MAP2K2: variants seen among roughly 807,000 people sequenced by gnomAD.
MAP2K2 encodes the protein mitogen-activated protein kinase kinase 2.
Under a neutral mutation model 43.7 loss-of-function variants are expected in MAP2K2, and 24 were observed. The observed-to-expected ratio is 0.55, with a 90% confidence interval of 0.40 to 0.77. MAP2K2 has a LOEUF of 0.77. Among genes scored for constraint, MAP2K2 ranks in the 30% least tolerant of loss-of-function variants. MAP2K2 has a pLI of 0.00. For missense variants in MAP2K2, 470 were observed against 566.8 expected (o/e 0.83, Z 1.73); for synonymous variants, 244 against 239.7 (o/e 1.02, Z -0.17).
intron 1 of MAP2K2, among the ~76,000 whole-genome samples, chr19:4,118,007 G>C (rs113290434): frequency 6.6e-6 from 1 of 151,846 alleles, no homozygotes. Context: ...GCGCGATCTC[G>C]GCTCCCTGCA....
chr19:4,101,917 A>T lies in MAP2K2; in HGVS notation c.528+459T>A, dbSNP rs2041017374. Among the ~76,000 whole-genome samples the T allele has an allele frequency of 6.6e-6, 1 of 152,186 alleles. No homozygotes were observed. Among genetic ancestry groups the T allele is most frequent in the East Asian group, 1.9e-4 (1 of 5,178 alleles). On this transcript the variant is annotated intron_variant, in intron 4 of 10. Coordinates refer to ENST00000262948, the MANE Select transcript of MAP2K2 (RefSeq NM_030662.4). The surrounding 1 kb of genome is among the most constrained non-coding windows in gnomAD (Gnocchi z 6.3). ...GCAACACGCACGGTCTGCTGAAACCACACGGCTCTACGGAGCAGCTGTGCT... is the reference window on the plus strand; with the variant it reads ...GCAACACGCACGGTCTGCTGAAACCTCACGGCTCTACGGAGCAGCTGTGCT...
At chr19:4,108,510 A>T (rs551948904) in intron 3 of MAP2K2, among the ~76,000 whole-genome samples, 1 of 151,562 alleles carries the variant, frequency 6.6e-6, no homozygotes, top group Non-Finnish European at 1.5e-5. Context: ...GGCCTCCCAA[A>T]GTGCTGGGAT....
At chr19:4,111,069 G>C (rs1334733546) in intron 2 of MAP2K2, among the ~76,000 whole-genome samples, 1 of 152,166 alleles carries the variant, frequency 6.6e-6, no homozygotes, top group African/African-American at 2.4e-5. Flanking sequence ...TCCCATTTCT[G>C]TGAAATGTCC....
At chr19:4,108,243 T>C (rs2041111717) in intron 3 of MAP2K2, among the ~76,000 whole-genome samples, 1 of 151,556 alleles carries the variant, frequency 6.6e-6, no homozygotes, top group Admixed American at 6.6e-5. Context: ...GTTGTTTTTG[T>C]TTGTTTGTTT....
At chr19:4,112,103 T>A (rs2041162185) in intron 2 of MAP2K2, among the ~76,000 whole-genome samples, 1 of 152,108 alleles carries the variant, frequency 6.6e-6, no homozygotes, top group Admixed American at 6.5e-5. Context: ...CCCTGGAGAA[T>A]CACAGCATCC....
At chr19:4,099,562 C>T (rs917948981) in intron 6 of MAP2K2, 148 bp from the exon 7 acceptor site, 9 of 688,534 alleles carry the variant, frequency 1.3e-5, no homozygotes, top group East Asian at 8.2e-5. Flanking sequence ...TTCTACCTCC[C>T]GGCTCACCCA....
chr19:4,097,493 G>C (rs2040936562), intron 7 of MAP2K2, 150 bp from the exon 8 acceptor site: 3 of 667,906 alleles, frequency 4.5e-6, no homozygotes, highest in Non-Finnish European at 8.2e-6. Context: ...ACTGGACAAA[G>C]CTCCCCTGCC....
intron 9 of MAP2K2, chr19:4,094,720 G>A: frequency 1.7e-6 from 1 of 577,046 alleles, no homozygotes; most frequent in East Asian, 2.9e-5. Flanking sequence ...CCCCCCAGCG[G>A]GAGGGTGAGA....
rs951303635 is a variant in MAP2K2 at position 4,115,687 on chromosome 19, C to T, written c.303+1732G>A. On this transcript the variant is annotated intron_variant, in intron 2 of 10. Transcript: ENST00000262948. The surrounding 1 kb of genome is among the most constrained non-coding windows in gnomAD (Gnocchi z 4.1). The stretch of plus-strand genomic sequence containing the variant: ...ACAGAGCTGCAGAGCTAAATCCCCG[C>T]AGGAGTTGAGCCGCTGCTCCCGAGG... Among the ~76,000 whole-genome samples, 1 of 152,182 alleles carries T rather than the reference C, an allele frequency of 6.6e-6. No homozygotes were observed. The highest frequency in any genetic ancestry group is 1.5e-5 in the Non-Finnish European group (1 of 68,046).
rs1384070333 is a variant in MAP2K2 at position 4,117,639 on chromosome 19, C to A, written c.93-10G>T. ...GTCCACCAGGTTTGCCCTGCAGAGA[C>A]CCCCCAGGGTAGGGGTTAGCTACCT... On this transcript the variant is annotated splice_polypyrimidine_tract_variant and intron_variant, in intron 1 of 10. Coordinates refer to ENST00000262948, the MANE Select transcript of MAP2K2 (RefSeq NM_030662.4). 5 of 1,612,526 alleles carry A rather than the reference C, an allele frequency of 3.1e-6. No homozygotes were observed. The highest frequency in any genetic ancestry group is 1.3e-5 in the African/African-American group (1 of 74,894).
At chr19:4,110,420 G>A (rs2145069116) in intron 3 of MAP2K2, 89 bp downstream of exon 3, 6 of 1,542,186 alleles carry the variant, frequency 3.9e-6, no homozygotes, top group Non-Finnish European at 5.3e-6. Flanking sequence ...TTGCCTCTGA[G>A]GAAAGGGGCC....
Position 4,090,461 on chromosome 19 carries a change from C to T in MAP2K2, c.*137G>A, listed in dbSNP as rs946221599. 5.3e-5 allele frequency: 41 copies of T among 770,418 alleles called. 1 individual carries two copies. The highest frequency in any genetic ancestry group is 1.6e-4 in the Admixed American group (8 of 49,102). 47.7% of individuals were successfully genotyped at this position (770,418 alleles called of 1,614,324 possible). A position where few individuals can be genotyped will look rare whatever the true frequency, so the allele number is the denominator to read the frequency against. On this transcript the variant is annotated 3_prime_UTR_variant, in exon 11 of 11. Transcript: ENST00000262948. ...AGACCCCCGTTCCTGCATGCGCTGT[C>T]GCCCCGCCACGGTGCTCTCCGCAGG... is the stretch of plus-strand genomic sequence containing the variant.
intron 2 of MAP2K2, among the ~76,000 whole-genome samples, chr19:4,116,861 G>A (rs961387977): frequency 6.6e-6 from 1 of 151,188 alleles, no homozygotes; most frequent in African/African-American, 2.4e-5. Context: ...CCCAGGAGGC[G>A]GAGGTTGAAG....
At chr19:4,114,691 G>A (rs550761855) in intron 2 of MAP2K2, among the ~76,000 whole-genome samples, 1 of 152,282 alleles carries the variant, frequency 6.6e-6, no homozygotes, top group Admixed American at 6.5e-5. Flanking sequence ...GCTCACGCCT[G>A]TAATCCCAGC....
chr19:4,114,219 C>T (rs2041191795), intron 2 of MAP2K2, among the ~76,000 whole-genome samples: 4 of 152,194 alleles, frequency 2.6e-5, no homozygotes, highest in Admixed American at 2.6e-4. Context: ...GGCAGCTGCT[C>T]CCAAGTCCGA....
At position 4,095,201 on chromosome 19, in the gene MAP2K2, T is replaced by G. The variant is rs569793503; in HGVS notation, c.1046+187A>C. ...CCCTGGGCTCACGGACAGGATGGCA[T>G]GGCAGCCGGGAGCTGCAGCCCCACA... On this transcript the variant is annotated intron_variant, in intron 9 of 10. Coordinates refer to ENST00000262948, the MANE Select transcript of MAP2K2 (RefSeq NM_030662.4). The G allele has an allele frequency of 6.8e-6, 4 of 592,418 alleles. No homozygotes were observed. The African/African-American group carries it at 7.4e-5, about 11-fold the overall frequency. The allele number at this position is 592,418 out of a possible 1,614,324, so 36.7% of individuals were successfully genotyped here.
rs865846715 is a variant in MAP2K2, at chr19:4,105,368, A to G, written c.451-2915T>C. 1.1e-4 allele frequency among the ~76,000 whole-genome samples: 17 copies of G among 150,740 alleles called. No individual in the cohort carries two copies. In the East Asian group the frequency reaches 3.3e-3, roughly 29 times the overall value. ...ACTGCAAGCTCCGCCTCCCGGGTTC[A>G]CGCCATTCTCCTGCCTCAGCCTCCT... is the stretch of plus-strand genomic sequence containing the variant. On this transcript the variant is annotated intron_variant, in intron 3 of 10. Transcript: ENST00000262948.
At position 4,105,310 on chromosome 19, in the gene MAP2K2, C is replaced by T. The variant is rs189628836; in HGVS notation, c.451-2857G>A. On this transcript the variant is annotated intron_variant, in intron 3 of 10. Coordinates refer to ENST00000262948, the MANE Select transcript of MAP2K2 (RefSeq NM_030662.4). The stretch of plus-strand genomic sequence containing the variant: ...CTGAGGCGGAGTCTCGCTCTGTTGC[C>T]CAGGCGGGGGTGCAGTGGCACCATC... Among the ~76,000 whole-genome samples the T allele has an allele frequency of 1.0e-3, 155 of 151,638 alleles. 1 individual carries two copies. The highest frequency in any genetic ancestry group is 4.7e-3 in the Admixed American group (72 of 15,234).
chr19:4,106,086 C>T (rs1460020406), intron 3 of MAP2K2, among the ~76,000 whole-genome samples: 1 of 152,200 alleles, frequency 6.6e-6, no homozygotes, highest in Admixed American at 6.5e-5. Context: ...TCCCAAAGCA[C>T]TGGGATTAAA....
Sources: gnomAD v4.1 joint callset for allele counts (sites outside exome capture counted in the v4.1 genomes callset) on GRCh38, gnomAD v4.1.1 for gene constraint, Gnocchi (gnomAD v3.1) non-coding constraint, MANE v1.5 for transcripts, NCBI Gene and HGNC (gene_info 2026-07-23, HGNC 2026-07-21) for gene names.